Variants in LRFN2 observed in about 807,000 individuals in gnomAD.
The protein encoded by LRFN2 is leucine-rich repeat and fibronectin type-III domain-containing protein 2.
LRFN2 carries 18 observed loss-of-function variants against 37.3 expected under a neutral mutation model. That is an observed-to-expected ratio of 0.48 (90% CI 0.33 to 0.72). LRFN2 has a LOEUF of 0.72. Ranked by LOEUF, LRFN2 falls within the 30% of genes least tolerant of loss-of-function variation. LRFN2 has a pLI of 0.02. For missense variants in LRFN2, 1,006 were observed against 1,060.7 expected, an observed-to-expected ratio of 0.95 and a Z score of 0.72; for synonymous variants, 556 against 466.6, an observed-to-expected ratio of 1.19 and a Z score of -2.47.
intron 1 of LRFN2, chr6:40,502,475 C>T (rs1374387844): frequency 6.6e-6 from 1 of 152,136 alleles, no homozygotes; most frequent in African/African-American, 2.4e-5. Flanking sequence ...AGGAGTGCGC[C>T]CATGCACAGG....
intron 1 of LRFN2, among the ~76,000 whole-genome samples, chr6:40,470,135 T>A (rs1013507956): frequency 6.6e-6 from 1 of 152,164 alleles, no homozygotes; most frequent in African/African-American, 2.4e-5. Context: ...CATCTCCCCA[T>A]CCTGCCTGCA....
Position 40,471,648 on chromosome 6 carries a change from C to T in LRFN2, c.-18-38517G>A, listed in dbSNP as rs1224046610. ...GACAATGGCAGTGCTGCCTTCAAAG[C>T]GTTGCAGTGAGGATGGAATGAGTTA... On this transcript the variant is annotated intron_variant, in intron 1 of 2. Coordinates refer to ENST00000338305, the MANE Select transcript of LRFN2 (RefSeq NM_020737.3). Among the ~76,000 whole-genome samples the T allele has an allele frequency of 2.6e-5, 4 of 152,180 alleles. No individual in the cohort carries two copies. The East Asian group carries it at 7.7e-4, about 29-fold the overall frequency.
intron 1 of LRFN2, among the ~76,000 whole-genome samples, chr6:40,551,339 G>T (rs1766775367): frequency 6.6e-6 from 1 of 152,174 alleles, no homozygotes; most frequent in South Asian, 2.1e-4. Context: ...TAGACATGAG[G>T]CCAGGGAGGA....
intron 1 of LRFN2, among the ~76,000 whole-genome samples, chr6:40,574,234 T>G (rs1767235821): frequency 6.6e-6 from 1 of 152,192 alleles, no homozygotes; most frequent in Non-Finnish European, 1.5e-5. Flanking sequence ...TTGTAGCTAT[T>G]TACCATTTTA....
At chr6:40,503,873 T>C (rs12527838) in intron 1 of LRFN2, among the ~76,000 whole-genome samples, 70,992 of 151,466 alleles carry the variant, frequency 0.47, 17,011 homozygotes, top group East Asian at 0.59. Context: ...ACACAGAGGC[T>C]ACCAGTGACA....
chr6:40,400,029 A>ATCTT (rs1762706352), intron 2 of LRFN2, among the ~76,000 whole-genome samples: 1 of 151,712 alleles, frequency 6.6e-6, no homozygotes, highest in South Asian at 2.1e-4. Context: ...TTAGCATCAT[A>ATCTT]TCTTTCTCCA....
chr6:40,492,840 CT>C (rs1014278494), intron 1 of LRFN2, among the ~76,000 whole-genome samples: 1 of 152,192 alleles, frequency 6.6e-6, no homozygotes, highest in African/African-American at 2.4e-5. Context: ...AGGAACACCC[CT>C]CCCAATTCGC....
At chr6:40,499,711 G>A (rs1765326037) in intron 1 of LRFN2, among the ~76,000 whole-genome samples, 1 of 152,120 alleles carries the variant, frequency 6.6e-6, no homozygotes. Flanking sequence ...CATGAGACCA[G>A]TGACCCACTC....
At chr6:40,443,168 G>C (rs1181864809) in intron 1 of LRFN2, among the ~76,000 whole-genome samples, 1 of 152,154 alleles carries the variant, frequency 6.6e-6, no homozygotes, top group Non-Finnish European at 1.5e-5. Context: ...GGCAAGGTTT[G>C]GTCTATCCTT....
chr6:40,500,374 C>T (rs367796370), intron 1 of LRFN2, among the ~76,000 whole-genome samples: 1 of 152,220 alleles, frequency 6.6e-6, no homozygotes, highest in East Asian at 1.9e-4. Context: ...GCTTCAGAGC[C>T]TCAGATCTGC....
intron 1 of LRFN2, among the ~76,000 whole-genome samples, chr6:40,573,912 A>C (rs1237395775): frequency 6.6e-6 from 1 of 152,144 alleles, no homozygotes; most frequent in Non-Finnish European, 1.5e-5. Context: ...AGTGAGCTGA[A>C]ATCACGCCAT....
intron 1 of LRFN2, among the ~76,000 whole-genome samples, chr6:40,481,537 T>G (rs1234483277): frequency 6.6e-6 from 1 of 152,096 alleles, no homozygotes; most frequent in Non-Finnish European, 1.5e-5. Context: ...AGATAAGTCC[T>G]ATCTCGGGGA....
At chr6:40,416,129 C>T (rs532474815) in intron 2 of LRFN2, among the ~76,000 whole-genome samples, 44 of 152,316 alleles carry the variant, frequency 2.9e-4, no homozygotes, top group African/African-American at 1.0e-3. Flanking sequence ...CTGCCTCAGC[C>T]TCCCCAGTAG....
intron 2 of LRFN2, among the ~76,000 whole-genome samples, chr6:40,421,358 G>A (rs1204383023): frequency 6.6e-6 from 1 of 152,200 alleles, no homozygotes; most frequent in Non-Finnish European, 1.5e-5. Flanking sequence ...AAGGTAGTCT[G>A]GGTGCAGCTT....
intron 1 of LRFN2, among the ~76,000 whole-genome samples, chr6:40,457,141 A>G (rs1581720702): frequency 6.6e-6 from 1 of 152,076 alleles, no homozygotes; most frequent in Admixed American, 6.6e-5. Context: ...CTCACTAAGA[A>G]TATCATCACC....
intron 1 of LRFN2, among the ~76,000 whole-genome samples, chr6:40,578,817 A>G (rs189097863): frequency 6.6e-6 from 1 of 152,300 alleles, no homozygotes; most frequent in East Asian, 1.9e-4. Context: ...AGATGAGAAA[A>G]CTGAGGCACA....
At chr6:40,458,025 T>C (rs1450128820) in intron 1 of LRFN2, among the ~76,000 whole-genome samples, 1 of 151,962 alleles carries the variant, frequency 6.6e-6, no homozygotes, top group Non-Finnish European at 1.5e-5. Context: ...CCCTTAAGAG[T>C]CATTCAGGCC....
intron 1 of LRFN2, among the ~76,000 whole-genome samples, chr6:40,461,705 T>C (rs1353929351): frequency 6.8e-6 from 1 of 146,616 alleles, no homozygotes; most frequent in Non-Finnish European, 1.5e-5. Flanking sequence ...GGAGAAAAAA[T>C]AAAGTAGGAG....
intron 1 of LRFN2, among the ~76,000 whole-genome samples, chr6:40,506,219 C>T (rs1452280448): frequency 3.3e-5 from 5 of 152,194 alleles, no homozygotes; most frequent in East Asian, 3.9e-4. Flanking sequence ...CACCCGCTTC[C>T]CTCCCTCTTA....
Sources: gnomAD v4.1 joint callset for allele counts (sites outside exome capture counted in the v4.1 genomes callset) on GRCh38, gnomAD v4.1.1 for gene constraint, MANE v1.5 for transcripts, NCBI Gene and HGNC (gene_info 2026-07-23, HGNC 2026-07-21) for gene names.